The following DLGAP1 variants were observed in gnomAD, a reference collection of about 807,000 sequenced individuals.
DLGAP1 encodes disks large-associated protein 1.
In DLGAP1, 11 loss-of-function variants were observed where a neutral mutation model predicts 90.8. That is an observed-to-expected ratio of 0.12 (90% confidence interval 0.08 to 0.20). The LOEUF (loss-of-function observed/expected upper bound fraction) is 0.20, where lower values mean the gene tolerates loss of function less well. Among genes scored for constraint, DLGAP1 ranks in the 10% least tolerant of loss-of-function variants. The probability of loss-of-function intolerance (pLI) is 1.00; values close to 1 mark genes in which losing one functional copy is unlikely to be tolerated. For synonymous variants in DLGAP1, 558 were observed against 540.7 expected, an observed-to-expected ratio of 1.03 and a Z score of -0.44; for missense variants, 1,050 against 1,333.8, an observed-to-expected ratio of 0.79 and a Z score of 3.31.
chr18:3,509,491 G>A (rs1047344154), intron 10 of DLGAP1, among the ~76,000 whole-genome samples: 1 of 152,188 alleles, frequency 6.6e-6, no homozygotes, highest in Non-Finnish European at 1.5e-5. Flanking sequence ...CAGTGTCCCT[G>A]GGGCTCGCCT....
intron 10 of DLGAP1, among the ~76,000 whole-genome samples, chr18:3,515,199 G>A (rs143864113): frequency 0.037 from 5,598 of 152,196 alleles, 340 homozygotes; most frequent in African/African-American, 0.13. Context: ...GGCCGGGCGC[G>A]GTGGCTCACG....
intron 8 of DLGAP1, among the ~76,000 whole-genome samples, chr18:3,574,819 A>ATTTTG (rs199934333): frequency 2.7e-4 from 15 of 55,140 alleles, no homozygotes; most frequent in Admixed American, 2.2e-3. Flanking sequence ...ATTTTATTTT[A>ATTTTG]TTTTATTTAT....
intron 1 of DLGAP1, among the ~76,000 whole-genome samples, chr18:4,337,014 T>C (rs2081082869): frequency 6.7e-6 from 1 of 148,656 alleles, no homozygotes; most frequent in South Asian, 2.2e-4. Flanking sequence ...CTCCGGAGGC[T>C]GAGGTAGGAG....
chr18:4,203,774 A>G (rs1375644099), intron 1 of DLGAP1, among the ~76,000 whole-genome samples: 4 of 152,224 alleles, frequency 2.6e-5, no homozygotes, highest in Admixed American at 2.6e-4. Flanking sequence ...TTCATAGGTC[A>G]GTGGAAATGC....
intron 2 of DLGAP1, among the ~76,000 whole-genome samples, chr18:4,119,442 G>A (rs2076117270): frequency 6.6e-6 from 1 of 152,276 alleles, no homozygotes; most frequent in South Asian, 2.1e-4. Flanking sequence ...GTGCACTGCA[G>A]GACAGAGCAA....
At chr18:4,141,751 A>G (rs1392972057) in intron 2 of DLGAP1, among the ~76,000 whole-genome samples, 1 of 151,746 alleles carries the variant, frequency 6.6e-6, no homozygotes, top group African/African-American at 2.4e-5. Context: ...TGCTGGTAAG[A>G]GACTCTGATG....
chr18:4,078,287 C>A (rs2075553890), intron 2 of DLGAP1, among the ~76,000 whole-genome samples: 1 of 152,062 alleles, frequency 6.6e-6, no homozygotes, highest in African/African-American at 2.4e-5. Flanking sequence ...CAGGCAGGAC[C>A]ACATTGGAAC....
At chr18:4,182,001 A>G (rs756078463) in intron 1 of DLGAP1, among the ~76,000 whole-genome samples, 1 of 152,010 alleles carries the variant, frequency 6.6e-6, no homozygotes, top group African/African-American at 2.4e-5. Flanking sequence ...GCTCCAGCCT[A>G]TTTTTCAGTT....
At chr18:4,431,451 G>A (rs2083283557) in intron 1 of DLGAP1, among the ~76,000 whole-genome samples, 1 of 152,116 alleles carries the variant, frequency 6.6e-6, no homozygotes, top group African/African-American at 2.4e-5. Flanking sequence ...CTTATGTACT[G>A]AAATGAAAAT....
intron 3 of DLGAP1, among the ~76,000 whole-genome samples, chr18:3,922,644 G>A: frequency 6.6e-6 from 1 of 152,082 alleles, no homozygotes; most frequent in East Asian, 1.9e-4. Flanking sequence ...CTTCTGGCTT[G>A]ATCAGGATTT....
At chr18:3,943,782 T>C (rs1293506672) in intron 3 of DLGAP1, among the ~76,000 whole-genome samples, 2 of 152,152 alleles carry the variant, frequency 1.3e-5, no homozygotes, top group Admixed American at 6.5e-5. Context: ...AGATAGGGCA[T>C]TTAAAGAGGC....
Position 4,289,164 on chromosome 18 carries a change from G to A in DLGAP1, c.-266-137877C>T, listed in dbSNP as rs551676394. On this transcript the variant is annotated intron_variant, in intron 1 of 12. Coordinates refer to ENST00000315677, the MANE Select transcript of DLGAP1 (RefSeq NM_004746.4). ...AGCTGCTCACTCTCCTAGGAACAAAGAAGGACTGGCTGAATGAAGATGGGG... is the reference window on the plus strand; with the variant it reads ...AGCTGCTCACTCTCCTAGGAACAAAAAAGGACTGGCTGAATGAAGATGGGG... 4.8e-4 allele frequency among the ~76,000 whole-genome samples: 73 copies of A among 152,264 alleles called. 1 individual carries two copies. The South Asian group carries it at 0.014, about 30-fold the overall frequency.
chr18:3,880,475 C>G (rs1248891137), intron 3 of DLGAP1, among the ~76,000 whole-genome samples: 1 of 152,038 alleles, frequency 6.6e-6, no homozygotes. Context: ...ACCCTGCAGG[C>G]CTGGTATTGA....
chr18:3,566,343 G>A (rs1323451038), intron 9 of DLGAP1, among the ~76,000 whole-genome samples: 1 of 151,674 alleles, frequency 6.6e-6, no homozygotes, highest in East Asian at 1.9e-4. Flanking sequence ...TATCAGGTTG[G>A]TGCAAAAGTA....
At chr18:4,349,921 G>T (rs2081372997) in intron 1 of DLGAP1, among the ~76,000 whole-genome samples, 1 of 152,086 alleles carries the variant, frequency 6.6e-6, no homozygotes, top group African/African-American at 2.4e-5. Context: ...ATCATAGGTA[G>T]GTTTTAATTA....
intron 4 of DLGAP1, among the ~76,000 whole-genome samples, chr18:3,860,894 G>A (rs1410429471): frequency 6.6e-6 from 1 of 152,210 alleles, no homozygotes; most frequent in East Asian, 1.9e-4. Context: ...TCAGAGATAT[G>A]ATATTTCAAA....
intron 2 of DLGAP1, among the ~76,000 whole-genome samples, chr18:4,145,433 C>T (rs2076568848): frequency 6.6e-6 from 1 of 152,170 alleles, no homozygotes; most frequent in Non-Finnish European, 1.5e-5. Context: ...AAATAGCCAA[C>T]AGGATTAAAT....
intron 7 of DLGAP1, among the ~76,000 whole-genome samples, chr18:3,668,963 G>A (rs2059980771): frequency 1.3e-5 from 2 of 151,964 alleles, no homozygotes; most frequent in Admixed American, 1.3e-4. Flanking sequence ...CGGCCTGGGC[G>A]ACCGAGTAAG....
chr18:3,764,439 C>CGTTT (rs3985699), intron 5 of DLGAP1, among the ~76,000 whole-genome samples: 148,923 of 152,050 alleles, frequency 0.98, 72,935 homozygotes, highest in East Asian at 1. Context: ...GCCCAGGCCT[C>CGTTT]GTTTGTTTGT....
Sources: gnomAD v4.1 joint callset for allele counts (sites outside exome capture counted in the v4.1 genomes callset) on GRCh38, gnomAD v4.1.1 for gene constraint, MANE v1.5 for transcripts, NCBI Gene and HGNC (gene_info 2026-07-23, HGNC 2026-07-21) for gene names.